LAMA1: variants seen among roughly 807,000 people sequenced by gnomAD.
LAMA1 encodes the protein laminin subunit alpha-1.
A neutral mutation model predicts 348.7 loss-of-function variants in LAMA1; 219 were observed. The ratio of observed to expected loss-of-function variants is 0.63; its 90% confidence interval spans 0.56 to 0.70. The LOEUF (loss-of-function observed/expected upper bound fraction) is 0.70. LAMA1 is among the 30% of genes least tolerant of loss of function. LAMA1 has a pLI of 0.00. For synonymous variants in LAMA1, 1,487 were observed against 1,491.0 expected (o/e 1.00, Z 0.06); for missense variants, 3,744 against 3,888.0 (o/e 0.96, Z 0.99).
At chr18:6,979,865 C>CCGCAG (rs2057702492) in intron 42 of LAMA1, among the ~76,000 whole-genome samples, 8 of 152,196 alleles carry the variant, frequency 5.3e-5, no homozygotes, top group Admixed American at 3.9e-4. Flanking sequence ...CGCCACTGCA[C>CCGCAG]TCCAGCCTGG....
Position 6,943,209 on chromosome 18 carries a change from T to C in LAMA1, c.9038A>G (p.Asn3013Ser). The change falls in exon 62 of 63, where the codon AAC (asparagine) becomes AGC (serine). Residue 3013 changes from asparagine (N) to serine (S), a missense_variant. Around this residue, in one of 3 missense-constraint regions of LAMA1, gnomAD observed 232 missense variants for 264.4 expected, o/e 0.88. Coordinates refer to ENST00000389658, the MANE Select transcript of LAMA1 (RefSeq NM_005559.4). Reference protein sequence around the residue: ...PHTQSTSVDTNNPIYVGGYPA... With the variant: ...PHTQSTSVDTSNPIYVGGYPA... ...ATAGCCACCAACATAAATGGGATTG[T>C]TGGTGTCCACTGAGGTAGACTGGGT... 2 of 1,614,172 alleles carry C rather than the reference T, an allele frequency of 1.2e-6. No individual in the cohort carries two copies. Among genetic ancestry groups the C allele is most frequent in the South Asian group, 2.2e-5 (2 of 91,082 alleles).
At chr18:7,107,853 A>C (rs576036446) in intron 1 of LAMA1, among the ~76,000 whole-genome samples, 3 of 151,374 alleles carry the variant, frequency 2.0e-5, no homozygotes, top group African/African-American at 7.3e-5. Context: ...TCTCTACTAA[A>C]AATACAAAAA....
chr18:6,942,050 T>C lies in LAMA1; in HGVS notation c.*29A>G. 1 of 1,613,226 alleles carries C rather than the reference T, an allele frequency of 6.2e-7. No individual in the cohort carries two copies. The highest frequency in any genetic ancestry group is 8.5e-7 in the Non-Finnish European group (1 of 1,179,326). ...ACACTTCTCCTCAAAATATTAGCAA[T>C]GATTCCAACTGAGGATTCTGCTTGA... On this transcript the variant is annotated 3_prime_UTR_variant, in exon 63 of 63. Transcript: ENST00000389658.
chr18:7,080,571 G>A, intron 1 of LAMA1, 114 bp from the exon 2 acceptor site: 1 of 1,106,294 alleles, frequency 9.0e-7, no homozygotes, highest in Non-Finnish European at 1.4e-6. Flanking sequence ...TGTGCTGAAT[G>A]AAGGAATCCT....
chr18:7,066,368 A>C (rs2058122905), intron 3 of LAMA1, among the ~76,000 whole-genome samples: 1 of 152,212 alleles, frequency 6.6e-6, no homozygotes, highest in Non-Finnish European at 1.5e-5. Flanking sequence ...TCAATATTCC[A>C]ATGTTCCATA....
At chr18:7,015,977 C>T (rs117813177) in intron 21 of LAMA1, 119 bp from the exon 22 acceptor site, 15,184 of 1,247,234 alleles carry the variant, frequency 0.012, 124 homozygotes, top group Middle Eastern at 0.017. Context: ...TCCTAAAAGA[C>T]GCCTCACAAT....
chr18:6,946,216 A>G (rs1168328761), intron 61 of LAMA1, among the ~76,000 whole-genome samples: 1 of 152,160 alleles, frequency 6.6e-6, no homozygotes, highest in Non-Finnish European at 1.5e-5. Context: ...GATATGCACA[A>G]CCACCCAGAT....
chr18:6,985,197 G>C (rs776200483), intron 39 of LAMA1, 40 bp downstream of exon 39: 4 of 1,611,580 alleles, frequency 2.5e-6, no homozygotes, highest in Non-Finnish European at 3.4e-6. Context: ...CCGATCAATA[G>C]ACTGCAAGCT....
intron 15 of LAMA1, 70 bp from the exon 16 acceptor site, chr18:7,032,246 C>T: frequency 3.1e-6 from 3 of 969,484 alleles, no homozygotes; most frequent in Middle Eastern, 2.1e-4. Context: ...TGCCAGAGTA[C>T]AGAAATGTCT....
intron 13 of LAMA1, among the ~76,000 whole-genome samples, chr18:7,035,069 A>G (rs1452782848): frequency 2.6e-5 from 4 of 152,230 alleles, no homozygotes; most frequent in African/African-American, 9.6e-5. Context: ...GCTGTTCACA[A>G]AAGTGATTTA....
chr18:6,981,974 T>A (rs12965464), intron 41 of LAMA1, among the ~76,000 whole-genome samples: 27,770 of 152,220 alleles, frequency 0.18, 2,993 homozygotes, highest in Non-Finnish European at 0.25. Flanking sequence ...CAAGTCATTC[T>A]TTCTTGAAAC....
intron 1 of LAMA1, among the ~76,000 whole-genome samples, chr18:7,110,548 A>G (rs2058331618): frequency 6.6e-6 from 1 of 152,112 alleles, no homozygotes; most frequent in Admixed American, 6.6e-5. Flanking sequence ...TAGGCTGGAC[A>G]TGGTGGCTCA....
intron 1 of LAMA1, among the ~76,000 whole-genome samples, chr18:7,085,661 G>A (rs148550248): frequency 0.044 from 6,755 of 151,918 alleles, 322 homozygotes; most frequent in Admixed American, 0.16. Flanking sequence ...TTCCTGATCC[G>A]CCCGCCTCAG....
Position 6,999,455 on chromosome 18 carries a change from TG to T in LAMA1, c.4652del (p.Thr1551LysfsTer11). 1 of 1,614,224 alleles carries T rather than the reference TG, an allele frequency of 6.2e-7. No individual in the cohort carries two copies. The highest frequency in any genetic ancestry group is 8.5e-7 in the Non-Finnish European group (1 of 1,180,044). On this transcript the variant is annotated frameshift_variant, in exon 32 of 63. Transcript: ENST00000389658. LOFTEE classifies it high-confidence loss of function. ...AGGAGAAATACTCACAAACACAATC[TG>T]TTTCCATCAGAATGTGCCTCGGTTC... Reference protein sequence around the residue: ...ECEPRHILMETDCVSCDDECV... With the variant: ...ECEPRHILMEXDCVSCDDECV...
chr18:7,056,279 T>C (rs2058081594), intron 3 of LAMA1, among the ~76,000 whole-genome samples: 1 of 152,128 alleles, frequency 6.6e-6, no homozygotes, highest in Non-Finnish European at 1.5e-5. Context: ...AGGCGCCACA[T>C]GAGCCAGGGT....
intron 1 of LAMA1, among the ~76,000 whole-genome samples, chr18:7,110,129 C>T (rs1214843453): frequency 2.6e-5 from 4 of 151,390 alleles, no homozygotes; most frequent in African/African-American, 4.9e-5. Context: ...TTCAGTGAGC[C>T]GAGATCACGC....
intron 10 of LAMA1, among the ~76,000 whole-genome samples, chr18:7,039,335 T>TG (rs1365877638): frequency 2.6e-5 from 4 of 152,158 alleles, no homozygotes; most frequent in African/African-American, 9.7e-5. Flanking sequence ...ACTGCACAGG[T>TG]GGGAATAAGC....
intron 16 of LAMA1, among the ~76,000 whole-genome samples, chr18:7,026,697 T>A (rs1002860578): frequency 6.6e-5 from 10 of 152,136 alleles, no homozygotes; most frequent in Non-Finnish European, 8.8e-5. Context: ...TGTATTTTTT[T>A]AAAAAAATGA....
intron 7 of LAMA1, among the ~76,000 whole-genome samples, chr18:7,043,982 C>T (rs945735720): frequency 2.6e-5 from 4 of 151,798 alleles, no homozygotes; most frequent in Admixed American, 6.6e-5. Flanking sequence ...AGTGAAACCC[C>T]GTCTCTACTA....
Sources: allele counts gnomAD v4.1 joint callset (sites outside exome capture counted in the v4.1 genomes callset), GRCh38; gene constraint gnomAD v4.1.1; regional missense constraint gnomAD v4.1.1; transcripts MANE v1.5; gene names NCBI Gene and HGNC (gene_info 2026-07-23, HGNC 2026-07-21).